UBE2V2: variants seen among roughly 807,000 people sequenced by gnomAD.
The protein encoded by UBE2V2 is ubiquitin conjugating enzyme E2 V2.
In UBE2V2, 9 loss-of-function variants were observed where a neutral mutation model predicts 17.2. The observed-to-expected ratio is 0.52, with a 90% confidence interval of 0.32 to 0.91. The LOEUF is 0.91. Ranked by LOEUF, UBE2V2 falls within the 40% of genes least tolerant of loss-of-function variation. The pLI is 0.04. For synonymous variants in UBE2V2, 61 were observed against 57.5 expected, an observed-to-expected ratio of 1.06 and a Z score of -0.28; for missense variants, 133 against 182.6, an observed-to-expected ratio of 0.73 and a Z score of 1.56.
intron 2 of UBE2V2, among the ~76,000 whole-genome samples, chr8:48,046,592 G>GT (rs962435535): frequency 6.6e-6 from 1 of 152,038 alleles, no homozygotes. Flanking sequence ...ATGGTTCGTT[G>GT]TTTTTTATTT....
At chr8:48,000,995 C>T in the UBE2V2 span, among the ~76,000 whole-genome samples, 1 of 152,130 alleles carries the variant, frequency 6.6e-6, no homozygotes, top group Non-Finnish European at 1.5e-5. Context: ...GATGGCCCCT[C>T]TCAGTGTTAG....
chr8:48,008,421 G>A (rs745595037), upstream of UBE2V2: 14 of 1,560,684 alleles, frequency 9.0e-6, no homozygotes, highest in South Asian at 1.6e-4. Flanking sequence ...GTTCGTGCGT[G>A]CGTGCGGGCG....
intron 1 of UBE2V2, among the ~76,000 whole-genome samples, chr8:48,032,545 G>C (rs753063242): frequency 5.9e-5 from 9 of 152,110 alleles, no homozygotes; most frequent in Non-Finnish European, 1.0e-4. Context: ...TTGAGCCTGG[G>C]AGTTTGAGAC....
At chr8:48,016,242 G>A (rs1401187316) in intron 1 of UBE2V2, among the ~76,000 whole-genome samples, 1 of 152,034 alleles carries the variant, frequency 6.6e-6, no homozygotes, top group Non-Finnish European at 1.5e-5. Flanking sequence ...TCTATATCTT[G>A]CATATTTTGA....
chr8:47,998,851 C>T, the UBE2V2 span, among the ~76,000 whole-genome samples: 1 of 152,272 alleles, frequency 6.6e-6, no homozygotes, highest in East Asian at 1.9e-4. Flanking sequence ...GACCCCTTAA[C>T]AGTCAAGGGA....
upstream of UBE2V2, among the ~76,000 whole-genome samples, chr8:48,006,049 T>C (rs972890908): frequency 4.6e-5 from 7 of 152,236 alleles, no homozygotes; most frequent in Non-Finnish European, 8.8e-5. Context: ...TGGCTTTTGT[T>C]GCCATTGCTT....
chr8:48,041,705 A>G (rs1299664746), intron 1 of UBE2V2: 1 of 152,228 alleles, frequency 6.6e-6, no homozygotes, highest in Non-Finnish European at 1.5e-5. Flanking sequence ...TCAGATAACA[A>G]TAAATTGAAA....
At chr8:48,007,325 T>C (rs570541166), upstream of UBE2V2, among the ~76,000 whole-genome samples, 24 of 152,326 alleles carry the variant, frequency 1.6e-4, no homozygotes, top group South Asian at 4.8e-3. Context: ...AAATTGTCTC[T>C]GTTTGCAGAT....
At chr8:48,054,401 A>G (rs779660634) in intron 3 of UBE2V2, among the ~76,000 whole-genome samples, 2 of 152,186 alleles carry the variant, frequency 1.3e-5, no homozygotes, top group Non-Finnish European at 2.9e-5. Context: ...GTATATTCCC[A>G]CCAACCCTTC....
At chr8:48,019,860 A>G (rs1450210283) in intron 1 of UBE2V2, among the ~76,000 whole-genome samples, 1 of 151,974 alleles carries the variant, frequency 6.6e-6, no homozygotes, top group Non-Finnish European at 1.5e-5. Flanking sequence ...CTATAATTCC[A>G]CTTGGGAGGC....
chr8:48,000,961 T>C, the UBE2V2 span, among the ~76,000 whole-genome samples: 1 of 152,144 alleles, frequency 6.6e-6, no homozygotes, highest in South Asian at 2.1e-4. Context: ...CATTGACGAC[T>C]TGAGGCCTTG....
At chr8:48,013,655 A>G (rs1457819050) in intron 1 of UBE2V2, among the ~76,000 whole-genome samples, 1 of 152,218 alleles carries the variant, frequency 6.6e-6, no homozygotes, top group African/African-American at 2.4e-5. Context: ...TTAATGGTAC[A>G]GTGAAGCTCT....
chr8:48,019,752 C>G (rs563319431), intron 1 of UBE2V2, among the ~76,000 whole-genome samples: 1 of 149,004 alleles, frequency 6.7e-6, no homozygotes, highest in East Asian at 2.0e-4. Context: ...GAGGTGGAGG[C>G]TGCAGTGAGC....
chr8:48,040,087 G>T (rs1394487843), intron 1 of UBE2V2, among the ~76,000 whole-genome samples: 1 of 148,570 alleles, frequency 6.7e-6, no homozygotes, highest in African/African-American at 2.5e-5. Context: ...TTGCAGAAAA[G>T]TTAACATAAG....
At chr8:48,059,654 G>A (rs554941688) in intron 3 of UBE2V2, among the ~76,000 whole-genome samples, 80 of 152,194 alleles carry the variant, frequency 5.3e-4, no homozygotes, top group African/African-American at 1.6e-3. Context: ...CTTGTGATCC[G>A]CCCGCCTTGG....
intron 1 of UBE2V2, among the ~76,000 whole-genome samples, chr8:48,029,653 CTGCTCTTCA>C (rs2154507280): frequency 6.6e-6 from 1 of 152,314 alleles, no homozygotes. Flanking sequence ...GCTTGGTGTA[CTGCTCTTCA>C]TGCCATTGTC....
At chr8:48,008,344 G>T, upstream of UBE2V2, 1 of 1,371,124 alleles carries the variant, frequency 7.3e-7, no homozygotes, top group South Asian at 1.6e-5. Flanking sequence ...GTCGCCCCGC[G>T]CCCGCCGGGG....
chr8:48,022,146 T>A (rs1363559958), intron 1 of UBE2V2, among the ~76,000 whole-genome samples: 1 of 151,786 alleles, frequency 6.6e-6, no homozygotes, highest in Admixed American at 6.6e-5. Context: ...TTGGATCTTT[T>A]TTTTTTTTTG....
intron 3 of UBE2V2, among the ~76,000 whole-genome samples, chr8:48,057,966 G>T (rs982146072): frequency 6.6e-6 from 1 of 151,992 alleles, no homozygotes; most frequent in South Asian, 2.1e-4. Flanking sequence ...TTCTAATCAG[G>T]GTGCCTTTTA....
Sources: allele counts gnomAD v4.1 joint callset (sites outside exome capture counted in the v4.1 genomes callset), GRCh38; gene constraint gnomAD v4.1.1; transcripts MANE v1.5; gene names NCBI Gene and HGNC (gene_info 2026-07-23, HGNC 2026-07-21).